The following SPECC1 variants were observed in gnomAD, a reference collection of about 807,000 sequenced individuals.
SPECC1 encodes the protein sperm antigen with calponin homology and coiled-coil domains 1.
SPECC1 carries 62 observed loss-of-function variants against 104.1 expected under a neutral mutation model. That is an observed-to-expected ratio of 0.60 (90% CI 0.49 to 0.74). The LOEUF is 0.74. SPECC1 is among the 30% of genes least tolerant of loss of function. SPECC1 has a pLI of 0.00. For missense variants in SPECC1, 1,306 were observed against 1,310.5 expected (o/e 1.00, Z 0.05); for synonymous variants, 513 against 501.6 (o/e 1.02, Z -0.30).
rs1357235104 is a variant in SPECC1, at chr17:20,205,839, C to G, written c.1790C>G (p.Ser597Cys). 3 of 1,614,174 alleles carry G rather than the reference C, an allele frequency of 1.9e-6. No individual in the cohort carries two copies. The highest frequency in any genetic ancestry group is 1.6e-4 in the Middle Eastern group (1 of 6,062). ...GCAGAGAAAGATCTACTGGAACTGT[C>G]TTGCAATGAGCTCAGACAAGAATTA... ...ARAEKDLLEL[S>C]CNELRQELLK... Residue 597 changes from serine to cysteine, a missense_variant, in exon 4 of 15, where the codon TCT becomes TGT. Around this residue, in one of 2 missense-constraint regions of SPECC1, gnomAD observed 1,177 missense variants for 1,139.9 expected, o/e 1.03. Coordinates refer to ENST00000395527, the MANE Select transcript of SPECC1 (RefSeq NM_001243439.2).
At chr17:20,280,807 C>T (rs547895385) in intron 12 of SPECC1, among the ~76,000 whole-genome samples, 5 of 152,304 alleles carry the variant, frequency 3.3e-5, no homozygotes, top group South Asian at 2.1e-4. Context: ...AAAAGATCAC[C>T]GGATTTTGTG....
intron 7 of SPECC1, among the ~76,000 whole-genome samples, chr17:20,233,643 G>A (rs2038735503): frequency 6.6e-6 from 1 of 152,146 alleles, no homozygotes; most frequent in South Asian, 2.1e-4. Context: ...TGACTAACTA[G>A]GACTACACAT....
At chr17:20,238,360 T>A in intron 7 of SPECC1, 3 of 1,040,878 alleles carry the variant, frequency 2.9e-6, no homozygotes, top group Non-Finnish European at 3.5e-6. Flanking sequence ...TATGTGTGTT[T>A]GTGAAGATCC....
chr17:20,036,757 G>GAACA (rs1308105319), intron 1 of SPECC1, among the ~76,000 whole-genome samples: 1 of 152,102 alleles, frequency 6.6e-6, no homozygotes, highest in Non-Finnish European at 1.5e-5. Flanking sequence ...CTGCAAACAG[G>GAACA]AACAGTTTTA....
chr17:20,156,095 C>G, intron 3 of SPECC1: 1 of 1,351,158 alleles, frequency 7.4e-7, no homozygotes, highest in Non-Finnish European at 9.5e-7. Context: ...GGAGCGGACC[C>G]GCCGGACGCA....
chr17:20,022,382 A>G (rs1034757404), intron 1 of SPECC1, among the ~76,000 whole-genome samples: 3 of 152,190 alleles, frequency 2.0e-5, no homozygotes, highest in African/African-American at 7.2e-5. Context: ...CTGGAATCCA[A>G]TATAGACTAT....
chr17:20,169,465 G>T (rs2033918890), intron 3 of SPECC1, among the ~76,000 whole-genome samples: 2 of 151,330 alleles, frequency 1.3e-5, no homozygotes, highest in African/African-American at 2.4e-5. Flanking sequence ...TGATTTGATG[G>T]ATTTAAATAT....
chr17:20,060,328 A>G (rs1348308739), intron 1 of SPECC1, among the ~76,000 whole-genome samples: 8 of 152,168 alleles, frequency 5.3e-5, no homozygotes, highest in Non-Finnish European at 7.3e-5. Flanking sequence ...CGGTTTCTAC[A>G]ACTATTTCAG....
intron 4 of SPECC1, among the ~76,000 whole-genome samples, chr17:20,214,675 CT>C (rs2037372615): frequency 6.6e-6 from 1 of 152,048 alleles, no homozygotes; most frequent in Non-Finnish European, 1.5e-5. Context: ...GCCCAGCTAA[CT>C]TTCCTATTTT....
chr17:20,226,243 C>T (rs1052675866), intron 4 of SPECC1, among the ~76,000 whole-genome samples: 1 of 152,062 alleles, frequency 6.6e-6, no homozygotes, highest in Non-Finnish European at 1.5e-5. Flanking sequence ...ATACTATGCA[C>T]CAATTAAAGT....
intron 12 of SPECC1, among the ~76,000 whole-genome samples, chr17:20,264,751 T>C (rs2040161275): frequency 6.6e-6 from 1 of 151,840 alleles, no homozygotes. Flanking sequence ...GGATTACAGG[T>C]TCACACCTGT....
In SPECC1 at chr17:20,257,499, G is replaced by T. The variant is rs371442923; in HGVS notation, c.2729G>T (p.Arg910Leu). ...TETLKPDPHL[R>L]KSPSLESLSR... ...ACCCTGAAGCCAGACCCCCACCTCC[G>T]CAAGAGTCCCTCACTAGAGTCACTG... Residue 910 changes from arginine to leucine, a missense_variant, in exon 11 of 15, where the codon CGC becomes CTC. Physicochemically the swap from Arg to Leu is moderately radical, Grantham distance 102. Transcript: ENST00000395527. 1 of 1,609,926 alleles carries T rather than the reference G, an allele frequency of 6.2e-7. No homozygotes were observed. The highest frequency in any genetic ancestry group is 8.5e-7 in the Non-Finnish European group (1 of 1,178,972).
At chr17:20,266,986 T>A (rs925772213) in intron 12 of SPECC1, among the ~76,000 whole-genome samples, 1 of 152,070 alleles carries the variant, frequency 6.6e-6, no homozygotes, top group African/African-American at 2.4e-5. Flanking sequence ...TCAGCAGCAC[T>A]GGGAAGTGAG....
At chr17:20,072,904 G>A (rs569448648) in intron 1 of SPECC1, among the ~76,000 whole-genome samples, 9 of 152,118 alleles carry the variant, frequency 5.9e-5, no homozygotes, top group African/African-American at 1.2e-4. Context: ...ACATTTCTTC[G>A]GTGTTTTTTT....
At chr17:20,138,375 G>T (rs1366903418) in intron 3 of SPECC1, among the ~76,000 whole-genome samples, 2 of 152,120 alleles carry the variant, frequency 1.3e-5, no homozygotes, top group Non-Finnish European at 2.9e-5. Context: ...ACAGATCATT[G>T]TCACCCAAAG....
intron 2 of SPECC1, 62 bp downstream of exon 2, chr17:20,096,860 A>G: frequency 6.4e-7 from 1 of 1,561,176 alleles, no homozygotes; most frequent in African/African-American, 1.4e-5. Flanking sequence ...GGGAGGATTG[A>G]AGAGGGCAGT....
intron 3 of SPECC1, among the ~76,000 whole-genome samples, chr17:20,175,070 G>A (rs1257026332): frequency 2.0e-5 from 3 of 152,132 alleles, no homozygotes; most frequent in South Asian, 2.1e-4. Context: ...TCTGTGCTCC[G>A]CAGCTCAGTT....
Position 20,131,641 on chromosome 17 carries a change from T to TC in SPECC1, c.283+21079_283+21080insC, listed in dbSNP as rs1210079907. ...CGTGGAAAGCATTCAGTCTTCTTCT[T>TC]TTTTTTTTTTTTTTTTTGCTTTTTT... On this transcript the variant is annotated intron_variant, in intron 3 of 14. Transcript: ENST00000395527. Among the ~76,000 whole-genome samples, 14 of 138,022 alleles carry TC rather than the reference T, an allele frequency of 1.0e-4. No homozygotes were observed. The East Asian group carries it at 2.7e-3, about 27-fold the overall frequency. 90.5% of individuals were successfully genotyped at this position (138,022 alleles called of 152,430 possible).
intron 12 of SPECC1, among the ~76,000 whole-genome samples, chr17:20,289,705 G>T (rs1237841408): frequency 1.3e-5 from 2 of 152,220 alleles, no homozygotes; most frequent in Non-Finnish European, 2.9e-5. Context: ...AGCTGCACTG[G>T]ACTGGGAGTT....
Sources: allele counts gnomAD v4.1 joint callset (sites outside exome capture counted in the v4.1 genomes callset), GRCh38; gene constraint gnomAD v4.1.1; regional missense constraint gnomAD v4.1.1; transcripts MANE v1.5; gene names NCBI Gene and HGNC (gene_info 2026-07-23, HGNC 2026-07-21).